The following ZNF816 variants were observed in gnomAD, a reference collection of about 807,000 sequenced individuals.
ZNF816 encodes the protein zinc finger protein 816, also known as zinc finger protein 816A.
A neutral mutation model predicts 8.3 loss-of-function variants in ZNF816; 11 were observed. The observed-to-expected ratio is 1.32, with a 90% CI of 0.83 to 2.19. The LOEUF is 2.19. ZNF816 is among the 30% of genes most tolerant of loss of function. The probability of loss-of-function intolerance (pLI) is 0.00; values close to 1 mark genes in which losing one functional copy is unlikely to be tolerated. For missense variants in ZNF816, 710 were observed against 779.3 expected (o/e 0.91, Z 1.06); for synonymous variants, 255 against 254.5 (o/e 1.00, Z -0.02).
chr19:52,950,397 T>C lies in ZNF816; in HGVS notation c.1378A>G (p.Arg460Gly). Residue 460 changes from arginine (R) to glycine (G), a missense_variant, in exon 4 of 4, where the codon AGG becomes GGG. Coordinates refer to ENST00000444460, the MANE Select transcript of ZNF816 (RefSeq NM_001202457.3). Reference protein sequence around the residue: ...EKPYKCNKCGRSFSRKSSLQY... With the variant: ...EKPYKCNKCGGSFSRKSSLQY... ...AGGGATGACTTCCGACTGAAACTCCTGCCACATTTATTACACTTGTATGGT... is the reference window on the plus strand; with the variant it reads ...AGGGATGACTTCCGACTGAAACTCCCGCCACATTTATTACACTTGTATGGT... 6.2e-7 allele frequency: 1 copy of C among 1,613,768 alleles called. No individual in the cohort carries two copies. Among genetic ancestry groups the C allele is most frequent in the Non-Finnish European group, 8.5e-7 (1 of 1,179,928 alleles).
intron 3 of ZNF816, chr19:52,952,493 C>G: frequency 1.8e-6 from 1 of 566,838 alleles, no homozygotes; most frequent in Non-Finnish European, 2.9e-6. Flanking sequence ...CTTCCAGGGA[C>G]ATCTCTTCCT....
At position 52,949,650 on chromosome 19, in the gene ZNF816, CATGAT is replaced by C. The variant is rs1282314129; in HGVS notation, c.*164_*168del. On this transcript the variant is annotated 3_prime_UTR_variant, in exon 4 of 4. Transcript: ENST00000444460. The stretch of plus-strand genomic sequence containing the variant: ...GCTTGACTGAAGACCTTGTCACAGT[CATGAT>C]ATTTGTAAGGTTTCTCTCCAGTATG... The C allele has an allele frequency of 1.9e-6, 2 of 1,072,454 alleles. No individual in the cohort carries two copies. Among genetic ancestry groups the C allele is most frequent in the East Asian group, 4.8e-5 (2 of 41,572 alleles). 66.4% of individuals were successfully genotyped at this position (1,072,454 alleles called of 1,614,324 possible). A position where few individuals can be genotyped will look rare whatever the true frequency, so the allele number is the denominator to read the frequency against.
chr19:52,952,382 CAA>C (rs1454434814), intron 3 of ZNF816: 1 of 383,712 alleles, frequency 2.6e-6, no homozygotes, highest in African/African-American at 2.1e-5. Context: ...AACAAACAAA[CAA>C]AAAGAAAACA....
Position 52,950,997 on chromosome 19 carries a change from C to G in ZNF816, c.778G>C (p.Asp260His). Residue 260 changes from aspartate (D) to histidine (H), a missense_variant, in exon 4 of 4, where the codon GAT becomes CAT. Coordinates refer to ENST00000444460, the MANE Select transcript of ZNF816 (RefSeq NM_001202457.3). Reference protein sequence around the residue: ...THSREREYKCDVCGKIFNQKQ... With the variant: ...THSREREYKCHVCGKIFNQKQ... ...TGATTAAAGATCTTGCCACATACATCACATTTATATTCTCTCTCTCTTGAA... is the reference window on the plus strand; with the variant it reads ...TGATTAAAGATCTTGCCACATACATGACATTTATATTCTCTCTCTCTTGAA... 6.2e-7 allele frequency: 1 copy of G among 1,614,126 alleles called. No individual in the cohort carries two copies. Among genetic ancestry groups the G allele is most frequent in the Non-Finnish European group, 8.5e-7 (1 of 1,180,038 alleles).
chr19:52,955,050 G>T (rs2083498017), intron 2 of ZNF816, among the ~76,000 whole-genome samples: 1 of 152,014 alleles, frequency 6.6e-6, no homozygotes. Flanking sequence ...TAAAATAAAA[G>T]AATTACTTAA....
intron 1 of ZNF816, among the ~76,000 whole-genome samples, chr19:52,962,441 C>G (rs1048961213): frequency 2.0e-5 from 3 of 151,914 alleles, no homozygotes; most frequent in Non-Finnish European, 4.4e-5. Flanking sequence ...GGAAAGAGCC[C>G]AGGAGTGGCC....
chr19:52,960,763 G>T (rs1265901621), intron 1 of ZNF816, among the ~76,000 whole-genome samples: 8 of 152,144 alleles, frequency 5.3e-5, no homozygotes, highest in Admixed American at 5.2e-4. Context: ...TGTGAAGGTA[G>T]AAGGAATCCC....
In ZNF816 at chr19:52,950,081, T is replaced by A. The variant is rs766874422; in HGVS notation, c.1694A>T (p.Tyr565Phe). 6.2e-7 allele frequency: 1 copy of A among 1,614,150 alleles called. No homozygotes were observed. Residue 565 changes from tyrosine to phenylalanine, a missense_variant, in exon 4 of 4, where the codon TAC becomes TTC. By Grantham distance (22) the Tyr-to-Phe change is conservative. Coordinates refer to ENST00000444460, the MANE Select transcript of ZNF816 (RefSeq NM_001202457.3). Reference sequence around the variant, plus strand: ...AACCTTCGCACATTTATTACACTTGTAAGGTTTCTCTCCAGTATGAACTCT... The same window carrying A: ...AACCTTCGCACATTTATTACACTTGAAAGGTTTCTCTCCAGTATGAACTCT... ...HTRVHTGEKPYKCNKCAKVFN... is the reference protein window; with the variant it reads ...HTRVHTGEKPFKCNKCAKVFN...
chr19:52,960,317 G>C (rs574061430), intron 1 of ZNF816: 6 of 242,254 alleles, frequency 2.5e-5, no homozygotes, highest in Non-Finnish European at 4.1e-5. Flanking sequence ...ACTAGTTCTC[G>C]TGTGTACCTA....
Position 52,956,070 on chromosome 19 carries a change from G to A in ZNF816, c.20C>T (p.Thr7Ile). MLREEA[T>I]KKSKEKEPGM... is the part of the protein sequence containing the mutation. Reference sequence around the variant, plus strand: ...TGGCTCCTTTTCTTTGCTCTTCTTGGTGGCTTCCTCACGTAACATGAGTCT... The same window carrying A: ...TGGCTCCTTTTCTTTGCTCTTCTTGATGGCTTCCTCACGTAACATGAGTCT... Residue 7 changes from threonine (T) to isoleucine (I), a missense_variant, in exon 2 of 4, where the codon ACC (threonine) becomes ATC (isoleucine). Coordinates refer to ENST00000444460, the MANE Select transcript of ZNF816 (RefSeq NM_001202457.3). 1 of 1,611,438 alleles carries A rather than the reference G, an allele frequency of 6.2e-7. No homozygotes were observed. Among genetic ancestry groups the A allele is most frequent in the South Asian group, 1.1e-5 (1 of 90,948 alleles).
Position 52,949,551 on chromosome 19 carries a change from T to G in ZNF816, c.*268A>C. On this transcript the variant is annotated 3_prime_UTR_variant, in exon 4 of 4. Transcript: ENST00000444460. ...TGTCTAATGAGGTGTGAACATGAAG[T>G]AAAGGCTTTGCCACAATCATCACAC... is the stretch of plus-strand genomic sequence containing the variant. 1 of 679,766 alleles carries G rather than the reference T, an allele frequency of 1.5e-6. No individual in the cohort carries two copies. The highest frequency in any genetic ancestry group is 3.0e-5 in the East Asian group (1 of 33,826). 42.1% of individuals were successfully genotyped at this position (679,766 alleles called of 1,614,324 possible). A position where few individuals can be genotyped will look rare whatever the true frequency, so the allele number is the denominator to read the frequency against.
Position 52,950,488 on chromosome 19 carries a change from A to T in ZNF816, c.1287T>A (p.Val429=), listed in dbSNP as rs755611936. ...HTGEGSYKCK[V]CDKVFRSDSY... is the part of the protein sequence containing the mutation. The stretch of plus-strand genomic sequence containing the variant: ...AATCACTCCGGAAAACCTTGTCACA[A>T]ACCTTACATTTGTATGATCCCTCTC... Residue 429 remains valine (V), a synonymous_variant, in exon 4 of 4, where the codon GTT becomes GTA. Transcript: ENST00000444460. 6.2e-7 allele frequency: 1 copy of T among 1,613,056 alleles called. No homozygotes were observed. The highest frequency in any genetic ancestry group is 8.5e-7 in the Non-Finnish European group (1 of 1,179,720).
intron 2 of ZNF816, 35 bp from the exon 3 acceptor site, chr19:52,952,912 G>A: frequency 6.3e-7 from 1 of 1,576,544 alleles, no homozygotes; most frequent in Non-Finnish European, 8.6e-7. Flanking sequence ...AAAACATTAT[G>A]GAGGAGTGAG....
rs761932347 is a variant in ZNF816 at position 52,956,073 on chromosome 19, G to A, written c.17C>T (p.Ala6Val). ...CTCCTTTTCTTTGCTCTTCTTGGTGGCTTCCTCACGTAACATGAGTCTTTG... is the reference window on the plus strand; with the variant it reads ...CTCCTTTTCTTTGCTCTTCTTGGTGACTTCCTCACGTAACATGAGTCTTTG... MLREEATKKSKEKEPG... is the reference protein window; with the variant it reads MLREEVTKKSKEKEPG... The change falls in exon 2 of 4, where the codon GCC becomes GTC. Residue 6 changes from alanine to valine, a missense_variant. Ala to Val is a moderately conservative substitution (Grantham distance 64, BLOSUM62 0). Transcript: ENST00000444460. The A allele has an allele frequency of 6.2e-7, 1 of 1,611,068 alleles. No individual in the cohort carries two copies. Among genetic ancestry groups the A allele is most frequent in the Non-Finnish European group, 8.5e-7 (1 of 1,179,206 alleles).
chr19:52,951,919 C>A, intron 3 of ZNF816: 1 of 418,470 alleles, frequency 2.4e-6, no homozygotes, highest in South Asian at 9.8e-5. Flanking sequence ...AGAGTTCAGT[C>A]AAGAGCCTCA....
rs750204159 is a variant in ZNF816, at chr19:52,950,380, C to A, written c.1395G>T (p.Lys465Asn). The change falls in exon 4 of 4, where the codon AAG becomes AAT. Residue 465 changes from lysine to asparagine, a missense_variant. By Grantham distance (94) the Lys-to-Asn change is moderately conservative. Transcript: ENST00000444460. ...CNKCGRSFSR[K>N]SSLQYHHTLH... ...GTGTATGATGGTATTGAAGGGATGA[C>A]TTCCGACTGAAACTCCTGCCACATT... 9.3e-6 allele frequency: 15 copies of A among 1,609,158 alleles called. No homozygotes were observed. Among genetic ancestry groups the A allele is most frequent in the Admixed American group, 1.7e-5 (1 of 59,494 alleles).
chr19:52,956,452 T>G (rs535284098), intron 1 of ZNF816, among the ~76,000 whole-genome samples: 1 of 152,258 alleles, frequency 6.6e-6, no homozygotes, highest in South Asian at 2.1e-4. Flanking sequence ...GGAGGAAACT[T>G]CCTTGATGTT....
At chr19:52,956,251 G>A in intron 1 of ZNF816, 147 bp from the exon 2 acceptor site, 2 of 881,388 alleles carry the variant, frequency 2.3e-6, no homozygotes, top group East Asian at 2.7e-5. Flanking sequence ...AGATAAGAAA[G>A]TTCCACAGGA....
At chr19:52,956,196 G>A (rs2083509052) in intron 1 of ZNF816, 92 bp from the exon 2 acceptor site, 1 of 1,401,778 alleles carries the variant, frequency 7.1e-7, no homozygotes, top group Non-Finnish European at 9.7e-7. Context: ...CCTCACCCGA[G>A]AGAAAGATGG....
Sources: allele counts gnomAD v4.1 joint callset (sites outside exome capture counted in the v4.1 genomes callset), GRCh38; gene constraint gnomAD v4.1.1; transcripts MANE v1.5; gene names NCBI Gene and HGNC (gene_info 2026-07-23, HGNC 2026-07-21).